Variants in HS6ST3 observed in about 807,000 individuals in gnomAD.
The protein encoded by HS6ST3 is heparan-sulfate 6-O-sulfotransferase 3.
In HS6ST3, 12 loss-of-function variants were observed where a neutral mutation model predicts 36.7. The ratio of observed to expected loss-of-function variants is 0.33; its 90% CI spans 0.21 to 0.53. HS6ST3 has a LOEUF of 0.53. Among genes scored for constraint, HS6ST3 ranks in the 20% least tolerant of loss-of-function variants. The pLI is 0.95. For missense variants in HS6ST3, 584 were observed against 640.9 expected, an observed-to-expected ratio of 0.91 and a Z score of 0.96; for synonymous variants, 240 against 257.5, an observed-to-expected ratio of 0.93 and a Z score of 0.65.
chr13:96,286,879 T>C (rs1414002355), intron 1 of HS6ST3, among the ~76,000 whole-genome samples: 13 of 152,114 alleles, frequency 8.5e-5, no homozygotes, highest in Admixed American at 3.9e-4. Context: ...AATTATGCCT[T>C]AGGTGAGGTG....
At chr13:96,255,165 G>A (rs1420415017) in intron 1 of HS6ST3, among the ~76,000 whole-genome samples, 2 of 152,190 alleles carry the variant, frequency 1.3e-5, no homozygotes, top group African/African-American at 4.8e-5. Context: ...TCAGAGATAA[G>A]CATCTCCATC....
chr13:96,829,334 T>A lies in HS6ST3; in HGVS notation c.708-3156T>A, dbSNP rs568028670. On this transcript the variant is annotated intron_variant, in intron 1 of 1. Transcript: ENST00000376705. ...TTTTTTTCAATTTTTCTTTTTTTTT[T>A]AATTTTATTTTAAGTTCAGCAGTAC... Among the ~76,000 whole-genome samples the A allele has an allele frequency of 6.4e-4, 97 of 152,114 alleles. 1 individual carries two copies. Among genetic ancestry groups the A allele is most frequent in the South Asian group, 3.9e-3 (19 of 4,814 alleles).
chr13:96,719,581 T>TTA (rs1875794736), intron 1 of HS6ST3, among the ~76,000 whole-genome samples: 1 of 152,236 alleles, frequency 6.6e-6, no homozygotes, highest in South Asian at 2.1e-4. Context: ...TTGTGCTTTA[T>TTA]TAAAGCCAGC....
chr13:96,284,946 T>G (rs779771590), intron 1 of HS6ST3, among the ~76,000 whole-genome samples: 2,861 of 151,228 alleles, frequency 0.019, 51 homozygotes, highest in Non-Finnish European at 0.024. Flanking sequence ...TTTCTTTCTT[T>G]CTTTCTTTCT....
intron 1 of HS6ST3, among the ~76,000 whole-genome samples, chr13:96,139,567 A>AT (rs2054019661): frequency 7.2e-6 from 1 of 138,696 alleles, no homozygotes; most frequent in Admixed American, 7.1e-5. Context: ...AAAAAAAAAA[A>AT]TCCATGTATA....
intron 1 of HS6ST3, among the ~76,000 whole-genome samples, chr13:96,183,495 T>A (rs1300718183): frequency 6.6e-6 from 1 of 152,148 alleles, no homozygotes. Flanking sequence ...ATTATAACCC[T>A]ATCATAAAAC....
At chr13:96,605,016 C>T (rs1271311428) in intron 1 of HS6ST3, among the ~76,000 whole-genome samples, 3 of 152,070 alleles carry the variant, frequency 2.0e-5, no homozygotes, top group Non-Finnish European at 4.4e-5. Context: ...AGGGAAGGGG[C>T]TTTAAAATAT....
chr13:96,818,538 A>G (rs1878469822), intron 1 of HS6ST3, among the ~76,000 whole-genome samples: 1 of 152,224 alleles, frequency 6.6e-6, no homozygotes, highest in East Asian at 1.9e-4. Flanking sequence ...GAAGAACAAA[A>G]AGAGAAGCAA....
intron 1 of HS6ST3, among the ~76,000 whole-genome samples, chr13:96,800,528 A>T (rs1316692598): frequency 6.6e-6 from 1 of 152,046 alleles, no homozygotes; most frequent in East Asian, 1.9e-4. Flanking sequence ...CAAGGTCAAA[A>T]CTTTGAAATC....
chr13:96,617,093 G>A (rs977640825), intron 1 of HS6ST3, among the ~76,000 whole-genome samples: 5 of 152,186 alleles, frequency 3.3e-5, no homozygotes, highest in African/African-American at 1.2e-4. Flanking sequence ...ATGTCATGGA[G>A]ATAATTTGTC....
intron 1 of HS6ST3, among the ~76,000 whole-genome samples, chr13:96,597,213 A>T (rs72642786): frequency 0.017 from 2,520 of 152,174 alleles, 54 homozygotes; most frequent in African/African-American, 0.045. Flanking sequence ...GAGGAGGGAG[A>T]AGATCATGAA....
intron 1 of HS6ST3, among the ~76,000 whole-genome samples, chr13:96,149,126 T>A (rs546796769): frequency 6.6e-6 from 1 of 152,326 alleles, no homozygotes; most frequent in Non-Finnish European, 1.5e-5. Flanking sequence ...TGGCAGGGAA[T>A]TGATCAAAGA....
At chr13:96,803,734 G>A (rs1300021499) in intron 1 of HS6ST3, among the ~76,000 whole-genome samples, 1 of 152,134 alleles carries the variant, frequency 6.6e-6, no homozygotes, top group Non-Finnish European at 1.5e-5. Flanking sequence ...AAGGTTTCGT[G>A]TTGGGGCATG....
intron 1 of HS6ST3, among the ~76,000 whole-genome samples, chr13:96,143,690 C>A (rs1269762108): frequency 6.6e-6 from 1 of 152,074 alleles, no homozygotes; most frequent in Admixed American, 6.6e-5. Context: ...TAGACACACT[C>A]TAAACAAACC....
intron 1 of HS6ST3, among the ~76,000 whole-genome samples, chr13:96,773,941 C>G (rs1448590801): frequency 6.6e-6 from 1 of 152,206 alleles, no homozygotes. Context: ...TGGCTGGCAT[C>G]TGGCGGATGC....
chr13:96,412,835 A>G (rs2055514435), intron 1 of HS6ST3, among the ~76,000 whole-genome samples: 1 of 150,182 alleles, frequency 6.7e-6, no homozygotes, highest in South Asian at 2.1e-4. Context: ...TTGCATATAC[A>G]GTATATTATA....
At chr13:96,459,810 A>G (rs1381351805) in intron 1 of HS6ST3, among the ~76,000 whole-genome samples, 1 of 152,172 alleles carries the variant, frequency 6.6e-6, no homozygotes. Flanking sequence ...TAAAATGATA[A>G]ATTGAATAAT....
intron 1 of HS6ST3, among the ~76,000 whole-genome samples, chr13:96,257,654 G>A (rs537880836): frequency 1.3e-5 from 2 of 152,178 alleles, no homozygotes; most frequent in African/African-American, 4.8e-5. Flanking sequence ...ATACTACTTA[G>A]CAAGAAGCAT....
At chr13:96,219,439 G>T (rs2054443866) in intron 1 of HS6ST3, among the ~76,000 whole-genome samples, 1 of 152,024 alleles carries the variant, frequency 6.6e-6, no homozygotes, top group Admixed American at 6.6e-5. Context: ...CCTTCTGTTT[G>T]CCCATTTTCC....
Sources: gnomAD v4.1 joint callset for allele counts (sites outside exome capture counted in the v4.1 genomes callset) on GRCh38, gnomAD v4.1.1 for gene constraint, MANE v1.5 for transcripts, NCBI Gene and HGNC (gene_info 2026-07-23, HGNC 2026-07-21) for gene names.